KCNN3: variants seen among roughly 807,000 people sequenced by gnomAD.
KCNN3 encodes the protein small conductance calcium-activated potassium channel protein 3.
KCNN3 carries 16 observed loss-of-function variants against 62.9 expected under a neutral mutation model. The observed-to-expected ratio is 0.25, with a 90% CI of 0.17 to 0.39. KCNN3 has a LOEUF of 0.39. KCNN3 is among the 10% of genes least tolerant of loss of function. The pLI is 1.00. For synonymous variants in KCNN3, 370 were observed against 389.2 expected (o/e 0.95, Z 0.58); for missense variants, 599 against 949.4 (o/e 0.63, Z 4.85).
At chr1:154,720,481 C>G (rs1468009183) in intron 5 of KCNN3, among the ~76,000 whole-genome samples, 2 of 152,194 alleles carry the variant, frequency 1.3e-5, no homozygotes, top group African/African-American at 2.4e-5. Context: ...CAGTCTTTAG[C>G]TAAACCTTCT....
intron 2 of KCNN3, among the ~76,000 whole-genome samples, chr1:154,814,790 C>T (rs573795481): frequency 6.6e-6 from 1 of 152,208 alleles, no homozygotes; most frequent in Non-Finnish European, 1.5e-5. Context: ...TGGTGTAGCT[C>T]CTCTCTCTAT....
intron 2 of KCNN3, among the ~76,000 whole-genome samples, chr1:154,819,341 C>T (rs1392843167): frequency 6.6e-6 from 1 of 152,136 alleles, no homozygotes; most frequent in African/African-American, 2.4e-5. Context: ...AAAAGAGTTA[C>T]CTTGAACTCA....
rs1699844160 is a variant in KCNN3 at position 154,701,105 on chromosome 1, G to A, written c.*6871C>T. On this transcript the variant is annotated 3_prime_UTR_variant, in exon 8 of 8. Transcript: ENST00000271915. ...TCAGCTACACAAACAGACTGAAAAC[G>A]GGCATTTAGACATTTCTCTTTCAAA... 6.6e-6 allele frequency: 1 copy of A among 152,022 alleles called. No individual in the cohort carries two copies. Among genetic ancestry groups the A allele is most frequent in the Admixed American group, 6.6e-5 (1 of 15,244 alleles). The allele number at this position is 152,022 out of a possible 1,614,324, so 9.4% of individuals were successfully genotyped here.
intron 1 of KCNN3, among the ~76,000 whole-genome samples, chr1:154,860,763 C>G (rs1468015378): frequency 6.6e-6 from 1 of 152,176 alleles, no homozygotes; most frequent in Non-Finnish European, 1.5e-5. Context: ...TCTTGATGCT[C>G]CAGGTGGCAT....
intron 1 of KCNN3, chr1:154,868,083 A>C: frequency 1.0e-6 from 1 of 985,590 alleles, no homozygotes; most frequent in Non-Finnish European, 1.2e-6. Flanking sequence ...GCGCACTCAC[A>C]CACACACTCA....
intron 3 of KCNN3, among the ~76,000 whole-genome samples, chr1:154,771,120 C>A (rs1290382073): frequency 1.3e-5 from 2 of 150,944 alleles, no homozygotes; most frequent in Non-Finnish European, 2.9e-5. Context: ...AAATGAAAAT[C>A]CAGGACCCCT....
chr1:154,852,862 T>TCC (rs755752663), intron 1 of KCNN3, among the ~76,000 whole-genome samples: 1 of 152,138 alleles, frequency 6.6e-6, no homozygotes, highest in African/African-American at 2.4e-5. Flanking sequence ...CCAGGCATGA[T>TCC]CCCCCCTCAG....
At chr1:154,845,115 T>C (rs1420644574) in intron 1 of KCNN3, among the ~76,000 whole-genome samples, 2 of 152,130 alleles carry the variant, frequency 1.3e-5, no homozygotes, top group African/African-American at 4.8e-5. Context: ...CCCTTGCCAC[T>C]CTTCCATTTC....
At chr1:154,810,247 C>T (rs1444993548) in intron 2 of KCNN3, among the ~76,000 whole-genome samples, 1 of 152,122 alleles carries the variant, frequency 6.6e-6, no homozygotes, top group East Asian at 1.9e-4. Context: ...GCCCAAGGCA[C>T]AGTGTCTAAG....
At chr1:154,868,902 CT>C in intron 1 of KCNN3, 129 bp downstream of exon 1, 1 of 60,374 alleles carries the variant, frequency 1.7e-5, no homozygotes, top group Non-Finnish European at 2.7e-5. Flanking sequence ...ATCTCTCAAT[CT>C]CTCTCTCTCT....
chr1:154,736,582 T>C (rs934014567), intron 3 of KCNN3, among the ~76,000 whole-genome samples: 2 of 152,224 alleles, frequency 1.3e-5, no homozygotes, highest in African/African-American at 4.8e-5. Context: ...TGGAGAGCCT[T>C]GAATACCGAA....
At chr1:154,754,220 G>A (rs1033621133) in intron 3 of KCNN3, among the ~76,000 whole-genome samples, 3 of 152,164 alleles carry the variant, frequency 2.0e-5, no homozygotes, top group African/African-American at 7.2e-5. Flanking sequence ...ACGGTAACTG[G>A]AAGCCAGAAA....
chr1:154,796,275 G>A (rs1649732559), intron 2 of KCNN3, among the ~76,000 whole-genome samples: 1 of 152,160 alleles, frequency 6.6e-6, no homozygotes. Flanking sequence ...TGGCCTCCCA[G>A]GACCATTTTC....
At position 154,752,735 on chromosome 1, in the gene KCNN3, C is replaced by A. The variant is rs917085519; in HGVS notation, c.1448+19240G>T. Among the ~76,000 whole-genome samples, 6 of 152,278 alleles carry A rather than the reference C, an allele frequency of 3.9e-5. No homozygotes were observed. In the South Asian group the frequency reaches 1.0e-3, roughly 26 times the overall value. ...TAGCAGACATTATCACACAGACATGCCCCCTGCTGGGGGCGAGGCAATTAA... is the reference window on the plus strand; with the variant it reads ...TAGCAGACATTATCACACAGACATGACCCCTGCTGGGGGCGAGGCAATTAA... On this transcript the variant is annotated intron_variant, in intron 3 of 7. Coordinates refer to ENST00000271915, the MANE Select transcript of KCNN3 (RefSeq NM_002249.6).
At chr1:154,767,994 T>C (rs1648375667) in intron 3 of KCNN3, among the ~76,000 whole-genome samples, 1 of 152,220 alleles carries the variant, frequency 6.6e-6, no homozygotes, top group Non-Finnish European at 1.5e-5. Flanking sequence ...AGTGTGTGTA[T>C]ACAACTAGAG....
At chr1:154,744,743 A>G (rs1700901157) in intron 3 of KCNN3, among the ~76,000 whole-genome samples, 1 of 152,200 alleles carries the variant, frequency 6.6e-6, no homozygotes, top group African/African-American at 2.4e-5. Context: ...TTTATGGAGA[A>G]AATGGGGTGA....
intron 1 of KCNN3, among the ~76,000 whole-genome samples, chr1:154,860,298 C>T (rs1222976743): frequency 6.6e-6 from 1 of 152,212 alleles, no homozygotes; most frequent in African/African-American, 2.4e-5. Context: ...CTTCCTAGTT[C>T]GGCTCTCCCT....
intron 1 of KCNN3, among the ~76,000 whole-genome samples, chr1:154,850,610 G>A (rs1652263469): frequency 1.3e-5 from 2 of 152,192 alleles, no homozygotes; most frequent in South Asian, 4.1e-4. Context: ...ACATGAGGCT[G>A]GTGATTCCCA....
At chr1:154,855,492 GTACC>G (rs1459226402) in intron 1 of KCNN3, among the ~76,000 whole-genome samples, 2 of 152,052 alleles carry the variant, frequency 1.3e-5, no homozygotes, top group Admixed American at 6.6e-5. Context: ...TATTTCTACT[GTACC>G]TTTTCTATGT....
Sources: allele counts gnomAD v4.1 joint callset (sites outside exome capture counted in the v4.1 genomes callset), GRCh38; gene constraint gnomAD v4.1.1; transcripts MANE v1.5; gene names NCBI Gene and HGNC (gene_info 2026-07-23, HGNC 2026-07-21).